The following SDK2 variants were observed in gnomAD, a reference collection of about 807,000 sequenced individuals.
SDK2 encodes the protein sidekick cell adhesion molecule 2.
A neutral mutation model predicts 253.9 loss-of-function variants in SDK2; 105 were observed. The ratio of observed to expected loss-of-function variants is 0.41; its 90% CI spans 0.35 to 0.49. SDK2 has a LOEUF of 0.49. Among genes scored for constraint, SDK2 ranks in the 20% least tolerant of loss-of-function variants. The pLI, the probability that SDK2 is intolerant of heterozygous loss-of-function variation, is 0.06. For synonymous variants in SDK2, 1,249 were observed against 1,234.9 expected, an observed-to-expected ratio of 1.01 and a Z score of -0.24; for missense variants, 2,608 against 3,003.0, an observed-to-expected ratio of 0.87 and a Z score of 3.07.
intron 13 of SDK2, 104 bp downstream of exon 13, chr17:73,423,812 A>G: frequency 1.0e-6 from 1 of 964,188 alleles, no homozygotes; most frequent in Non-Finnish European, 1.5e-6. Flanking sequence ...AGTTCAGGTC[A>G]CACGTGGCCT....
intron 1 of SDK2, among the ~76,000 whole-genome samples, chr17:73,563,895 C>T (rs186711281): frequency 7.0e-4 from 107 of 152,154 alleles, no homozygotes; most frequent in South Asian, 8.3e-4. Flanking sequence ...TCCTTAGCCT[C>T]CCGAGTAGCA....
In SDK2 at chr17:73,368,461, C is replaced by A; in HGVS notation, c.5113G>T (p.Ala1705Ser). 1 of 1,606,080 alleles carries A rather than the reference C, an allele frequency of 6.2e-7. No homozygotes were observed. The highest frequency in any genetic ancestry group is 1.3e-5 in the African/African-American group (1 of 74,706). The change falls in exon 37 of 45, where the codon GCC (alanine) becomes TCC (serine). Residue 1705 changes from alanine (A) to serine (S), a missense_variant. Transcript: ENST00000392650. ...AYMVSVAAFN[A>S]AGDGPRSTPT... Reference sequence around the variant, plus strand: ...GTGCTCCGAGGCCCATCCCCAGCGGCGTTGAAGGCGGCCACGCTGACCATG... The same window carrying A: ...GTGCTCCGAGGCCCATCCCCAGCGGAGTTGAAGGCGGCCACGCTGACCATG...
chr17:73,335,856 T>G lies in SDK2; in HGVS notation c.*2731A>C, dbSNP rs2062373448. The G allele has an allele frequency of 6.6e-6, 1 of 152,316 alleles. No individual in the cohort carries two copies. The highest frequency in any genetic ancestry group is 1.5e-5 in the Non-Finnish European group (1 of 68,050). 9.4% of individuals were successfully genotyped at this position (152,316 alleles called of 1,614,324 possible). A position where few individuals can be genotyped will look rare whatever the true frequency, so the allele number is the denominator to read the frequency against. On this transcript the variant is annotated 3_prime_UTR_variant, in exon 45 of 45. Transcript: ENST00000392650. ...CTAACACACATACAGATGTGTGTTCTGTGCATATTTGTGTGTGCATGTGTG... is the reference window on the plus strand; with the variant it reads ...CTAACACACATACAGATGTGTGTTCGGTGCATATTTGTGTGTGCATGTGTG...
chr17:73,610,889 C>G (rs2045965973), intron 1 of SDK2, among the ~76,000 whole-genome samples: 1 of 151,904 alleles, frequency 6.6e-6, no homozygotes. Flanking sequence ...GAGGGTCAGG[C>G]AGGAGTATGG....
At chr17:73,537,978 C>T (rs1029101167) in intron 1 of SDK2, among the ~76,000 whole-genome samples, 7 of 152,158 alleles carry the variant, frequency 4.6e-5, no homozygotes, top group East Asian at 1.9e-4. Context: ...TGACCTGGAA[C>T]ACAGTACCCA....
intron 2 of SDK2, among the ~76,000 whole-genome samples, chr17:73,486,435 T>C (rs2063769630): frequency 6.6e-6 from 1 of 151,676 alleles, no homozygotes; most frequent in African/African-American, 2.4e-5. Context: ...ATAGCAAGAA[T>C]CTATCTCTAC....
chr17:73,537,059 G>A (rs1320301793), intron 1 of SDK2, among the ~76,000 whole-genome samples: 4 of 152,216 alleles, frequency 2.6e-5, no homozygotes, highest in East Asian at 1.9e-4. Context: ...AGGATGGATC[G>A]TAGCATGGTG....
At chr17:73,374,143 A>AG (rs1258925578) in intron 36 of SDK2, among the ~76,000 whole-genome samples, 8 of 144,972 alleles carry the variant, frequency 5.5e-5, no homozygotes, top group Non-Finnish European at 5.9e-5. Flanking sequence ...TTTTGGTTTC[A>AG]GGGCTCAATT....
chr17:73,372,287 C>T (rs2062740323), intron 36 of SDK2, among the ~76,000 whole-genome samples: 2 of 152,284 alleles, frequency 1.3e-5, no homozygotes, highest in South Asian at 4.1e-4. Context: ...TCCCATGGGG[C>T]ACACTGCTGA....
At chr17:73,378,672 G>A (rs190868649) in intron 36 of SDK2, among the ~76,000 whole-genome samples, 318 of 152,124 alleles carry the variant, frequency 2.1e-3, no homozygotes, top group African/African-American at 7.4e-3. Flanking sequence ...TGCCCGCCTC[G>A]GCCTCCCAAA....
At chr17:73,608,691 C>G (rs1208809587) in intron 1 of SDK2, among the ~76,000 whole-genome samples, 1 of 152,168 alleles carries the variant, frequency 6.6e-6, no homozygotes, top group East Asian at 1.9e-4. Flanking sequence ...GATCCACCTG[C>G]CTTGGCCTCC....
intron 1 of SDK2, among the ~76,000 whole-genome samples, chr17:73,556,182 G>A (rs11871796): frequency 0.12 from 17,969 of 152,218 alleles, 1,155 homozygotes; most frequent in African/African-American, 0.14. Flanking sequence ...TGGAGGCACA[G>A]CCACTGAGGC....
chr17:73,590,590 T>G (rs537442934), intron 1 of SDK2, among the ~76,000 whole-genome samples: 6 of 152,206 alleles, frequency 3.9e-5, no homozygotes, highest in Non-Finnish European at 8.8e-5. Context: ...AGAATGACCC[T>G]GGGTGGCAGA....
intron 1 of SDK2, among the ~76,000 whole-genome samples, chr17:73,542,953 C>A (rs139631347): frequency 6.8e-4 from 103 of 152,268 alleles, no homozygotes; most frequent in African/African-American, 2.4e-3. Flanking sequence ...AGACTCGGAT[C>A]TGGGGAGATT....
intron 15 of SDK2, among the ~76,000 whole-genome samples, chr17:73,421,177 T>C (rs1051399283): frequency 6.6e-6 from 1 of 152,236 alleles, no homozygotes; most frequent in Non-Finnish European, 1.5e-5. Flanking sequence ...AAACGTGGCA[T>C]GGCACACGGT....
chr17:73,443,169 G>A lies in SDK2; in HGVS notation c.614-2246C>T, dbSNP rs1660636534. 6.6e-6 allele frequency among the ~76,000 whole-genome samples: 1 copy of A among 152,140 alleles called. No homozygotes were observed. Among genetic ancestry groups the A allele is most frequent in the African/African-American group, 2.4e-5 (1 of 41,424 alleles). ...GGGCAGGGTGCACAGTGGCCCCACT[G>A]CCCCTCTGGGCCACCTTGTCAGCCC... On this transcript the variant is annotated intron_variant, in intron 5 of 44. Transcript: ENST00000392650. The surrounding 1 kb of genome is among the most constrained non-coding windows in gnomAD (Gnocchi z 4.6).
At chr17:73,378,424 A>T (rs559959405) in intron 36 of SDK2, among the ~76,000 whole-genome samples, 1 of 145,664 alleles carries the variant, frequency 6.9e-6, no homozygotes, top group African/African-American at 2.5e-5. Flanking sequence ...TTTAATTTTA[A>T]TTTTTTTTTT....
intron 3 of SDK2, among the ~76,000 whole-genome samples, chr17:73,462,937 G>A (rs956894102): frequency 6.6e-6 from 1 of 152,106 alleles, no homozygotes; most frequent in African/African-American, 2.4e-5. Context: ...ACATACATAT[G>A]TGTGTGTGTA....
At chr17:73,387,370 AT>A in intron 30 of SDK2, among the ~76,000 whole-genome samples, 1 of 151,590 alleles carries the variant, frequency 6.6e-6, no homozygotes, top group Non-Finnish European at 1.5e-5. Flanking sequence ...TCTCTTTTAG[AT>A]TTATGGGGGG....
Sources: gnomAD v4.1 joint callset for allele counts (sites outside exome capture counted in the v4.1 genomes callset) on GRCh38, gnomAD v4.1.1 for gene constraint, Gnocchi (gnomAD v3.1) non-coding constraint, MANE v1.5 for transcripts, NCBI Gene and HGNC (gene_info 2026-07-23, HGNC 2026-07-21) for gene names.